Variants in CEP350 observed in about 807,000 individuals in gnomAD.
CEP350 encodes the protein centrosomal protein 350, also known as centrosome-associated protein 350.
In CEP350, 126 loss-of-function variants were observed where a neutral mutation model predicts 331.8. That is an observed-to-expected ratio of 0.38 (90% confidence interval 0.33 to 0.44). CEP350 has a LOEUF of 0.44. Ranked by LOEUF, CEP350 falls within the 20% of genes least tolerant of loss-of-function variation. The pLI is 1.00. For synonymous variants in CEP350, 1,200 were observed against 1,259.5 expected (o/e 0.95, Z 1.00); for missense variants, 3,406 against 3,634.6 (o/e 0.94, Z 1.62).
At chr1:179,972,870 CT>C (rs770988896) in intron 1 of CEP350, among the ~76,000 whole-genome samples, 6,017 of 136,752 alleles carry the variant, frequency 0.044, 347 homozygotes, top group African/African-American at 0.14. Context: ...GTGTATTTAA[CT>C]TTTTTTTTTT....
chr1:180,108,241 G>C (rs907625788), intron 37 of CEP350, among the ~76,000 whole-genome samples: 1 of 152,148 alleles, frequency 6.6e-6, no homozygotes, highest in Non-Finnish European at 1.5e-5. Context: ...AAAATGTCAT[G>C]AGCATATATT....
intron 1 of CEP350, among the ~76,000 whole-genome samples, chr1:179,983,333 C>T (rs1402983224): frequency 6.6e-6 from 1 of 151,980 alleles, no homozygotes; most frequent in Non-Finnish European, 1.5e-5. Context: ...CTCCTGGGTT[C>T]AAGCAATTCT....
intron 12 of CEP350, among the ~76,000 whole-genome samples, chr1:180,021,825 A>G (rs1655344037): frequency 6.6e-6 from 1 of 152,216 alleles, no homozygotes; most frequent in Non-Finnish European, 1.5e-5. Context: ...CAGACTTTAA[A>G]CAATAATGTA....
intron 1 of CEP350, among the ~76,000 whole-genome samples, chr1:179,964,626 A>G (rs1362099970): frequency 6.6e-6 from 1 of 151,978 alleles, no homozygotes; most frequent in African/African-American, 2.4e-5. Context: ...TGTGTTTCCA[A>G]GAATTTATCC....
At chr1:180,110,883 C>G in intron 37 of CEP350, 114 bp from the exon 38 acceptor site, 1 of 894,978 alleles carries the variant, frequency 1.1e-6, no homozygotes, top group East Asian at 2.6e-5. Context: ...TCTTTTTTCT[C>G]TGGTTTATTT....
intron 14 of CEP350, among the ~76,000 whole-genome samples, chr1:180,028,169 C>T (rs979820054): frequency 2.0e-5 from 3 of 152,122 alleles, no homozygotes; most frequent in Non-Finnish European, 4.4e-5. Flanking sequence ...TAGAGTGAAA[C>T]AAGATTCTTT....
rs1558088469 is a variant in CEP350, at chr1:179,998,300, TTTC to T, written c.1018+1128_1018+1130del. On this transcript the variant is annotated intron_variant, in intron 6 of 37. Coordinates refer to ENST00000367607, the MANE Select transcript of CEP350 (RefSeq NM_014810.5). ...TTATATAATAATTTGTTTCTTCTATTTTCTTTTTTTTTTTTTTTTTTTTTTTAA... is the reference window on the plus strand; with the variant it reads ...TTATATAATAATTTGTTTCTTCTATTTTTTTTTTTTTTTTTTTTTTTTTAA... Among the ~76,000 whole-genome samples the T allele has an allele frequency of 4.9e-4, 69 of 140,438 alleles. No individual in the cohort carries two copies. The South Asian group carries it at 0.014, about 28-fold the overall frequency. The allele number at this position is 140,438 out of a possible 152,430, so 92.1% of individuals were successfully genotyped here.
chr1:180,049,692 C>T (rs1456846190), intron 22 of CEP350, among the ~76,000 whole-genome samples: 13 of 151,940 alleles, frequency 8.6e-5, no homozygotes, highest in Admixed American at 4.6e-4. Context: ...TACAGGCACG[C>T]ACCACAACAC....
chr1:180,026,189 T>G (rs1440897080), intron 14 of CEP350, among the ~76,000 whole-genome samples: 1 of 151,766 alleles, frequency 6.6e-6, no homozygotes, highest in Admixed American at 6.6e-5. Flanking sequence ...GAGAATCGCT[T>G]GAACCCAGGA....
chr1:180,072,769 C>A (rs948802316), intron 27 of CEP350, among the ~76,000 whole-genome samples: 1 of 152,176 alleles, frequency 6.6e-6, no homozygotes, highest in Non-Finnish European at 1.5e-5. Context: ...CATAATTTTA[C>A]AAATCCAAGT....
At chr1:180,044,840 TA>T (rs1227824060) in intron 21 of CEP350, among the ~76,000 whole-genome samples, 5 of 144,860 alleles carry the variant, frequency 3.5e-5, no homozygotes, top group Non-Finnish European at 6.1e-5. Context: ...TAATAAAATT[TA>T]AAAAAAAAGA....
intron 6 of CEP350, among the ~76,000 whole-genome samples, chr1:179,998,303 C>CTTTTTT (rs763257368): frequency 8.9e-6 from 1 of 112,060 alleles, no homozygotes; most frequent in Non-Finnish European, 1.9e-5. Context: ...CTTCTATTTT[C>CTTTTTT]TTTTTTTTTT....
rs1657283949 is a variant in CEP350, at chr1:180,048,669, C to T, written c.4756C>T (p.Arg1586Ter). The T allele has an allele frequency of 1.2e-6, 2 of 1,612,266 alleles. No homozygotes were observed. The highest frequency in any genetic ancestry group is 1.7e-6 in the Non-Finnish European group (2 of 1,178,986). Residue 1586 changes from arginine to a stop codon, truncating the protein, a stop_gained, in exon 22 of 38, where the codon CGA becomes TGA. Coordinates refer to ENST00000367607, the MANE Select transcript of CEP350 (RefSeq NM_014810.5). LOFTEE classifies it high-confidence loss of function. ...TCAGACTGCTGCAGATGATTCTCTA[C>T]GAAGTGATAGTGTTCCATCTCTTCC... ...QVQTAADDSL[R>*]SDSVPSLPDE...
At chr1:180,065,392 A>T (rs1017378194) in intron 27 of CEP350, 120 bp downstream of exon 27, 19 of 996,224 alleles carry the variant, frequency 1.9e-5, no homozygotes, top group Non-Finnish European at 2.7e-5. Flanking sequence ...ATTCAGTAGC[A>T]TTTTAGCAGA....
In CEP350 at chr1:179,954,830, G is replaced by T. The variant is rs1010866041; in HGVS notation, c.-326G>T. The T allele has an allele frequency of 1.6e-5, 7 of 427,528 alleles. No homozygotes were observed. Among genetic ancestry groups the T allele is most frequent in the Non-Finnish European group, 2.5e-5 (6 of 242,592 alleles). 26.5% of individuals were successfully genotyped at this position (427,528 alleles called of 1,614,324 possible). On this transcript the variant is annotated 5_prime_UTR_variant, in exon 1 of 38. Coordinates refer to ENST00000367607, the MANE Select transcript of CEP350 (RefSeq NM_014810.5). ...GTGTCAGTTGTTGGGCTGTAATGGC[G>T]ACTGGGCCGCCCCTGACGAAGTGAC...
At position 179,990,603 on chromosome 1, in the gene CEP350, C is replaced by G; in HGVS notation, c.217C>G (p.Arg73Gly). Residue 73 changes from arginine (R) to glycine (G), a missense_variant, in exon 4 of 38, where the codon CGA becomes GGA. Arg to Gly is a moderately radical substitution (Grantham distance 125). This residue lies in a region of CEP350 where 1,857 missense variants were observed against 1,909.2 expected (regional missense o/e 0.97). Transcript: ENST00000367607. ...DTKKSSTSAT[R>G]KISRKDGRYL... ...CAAGAAGTCTTCTACAAGTGCTACT[C>G]GAAAAATAAGTAGAAAAGGTATGTA... is the stretch of plus-strand genomic sequence containing the variant. 1 of 1,585,940 alleles carries G rather than the reference C, an allele frequency of 6.3e-7. No individual in the cohort carries two copies. Among genetic ancestry groups the G allele is most frequent in the Non-Finnish European group, 8.6e-7 (1 of 1,161,426 alleles).
chr1:180,002,077 A>G (rs1653901267), intron 6 of CEP350, among the ~76,000 whole-genome samples: 1 of 152,244 alleles, frequency 6.6e-6, no homozygotes, highest in African/African-American at 2.4e-5. Context: ...ACTACTTTAT[A>G]CCCACTAGGG....
intron 37 of CEP350, among the ~76,000 whole-genome samples, chr1:180,103,801 A>T (rs952472260): frequency 4.0e-5 from 6 of 151,816 alleles, no homozygotes; most frequent in Admixed American, 1.3e-4. Flanking sequence ...CATGGCTCGT[A>T]ACTCCTCCCT....
chr1:180,015,742 A>G lies in CEP350; in HGVS notation c.2053-107A>G, dbSNP rs564045949. 2.2e-5 allele frequency: 29 copies of G among 1,312,912 alleles called. No individual in the cohort carries two copies. In the East Asian group the frequency reaches 7.2e-4, roughly 33 times the overall value. The allele number at this position is 1,312,912 out of a possible 1,614,324, so 81.3% of individuals were successfully genotyped here. Reference sequence around the variant, plus strand: ...TTGTTTGACAAAAAAAAACCACTACATTTTATGATCTTTGTAGAGCTGAGG... The same window carrying G: ...TTGTTTGACAAAAAAAAACCACTACGTTTTATGATCTTTGTAGAGCTGAGG... On this transcript the variant is annotated intron_variant, in intron 10 of 37. Coordinates refer to ENST00000367607, the MANE Select transcript of CEP350 (RefSeq NM_014810.5).
Sources: allele counts gnomAD v4.1 joint callset (sites outside exome capture counted in the v4.1 genomes callset), GRCh38; gene constraint gnomAD v4.1.1; regional missense constraint gnomAD v4.1.1; transcripts MANE v1.5; gene names NCBI Gene and HGNC (gene_info 2026-07-23, HGNC 2026-07-21).